Variants in CTNND2 observed in about 807,000 individuals in gnomAD.
CTNND2 encodes catenin delta 2, also known as catenin delta-2.
Under a neutral mutation model 144.4 loss-of-function variants are expected in CTNND2, and 22 were observed. The observed-to-expected ratio is 0.15, with a 90% CI of 0.11 to 0.22. CTNND2 has a LOEUF of 0.22. Ranked by LOEUF, CTNND2 falls within the 10% of genes least tolerant of loss-of-function variation. The probability of loss-of-function intolerance (pLI) is 1.00; values close to 1 mark genes in which losing one functional copy is unlikely to be tolerated. For synonymous variants in CTNND2, 751 were observed against 695.6 expected, an observed-to-expected ratio of 1.08 and a Z score of -1.25; for missense variants, 1,353 against 1,618.8, an observed-to-expected ratio of 0.84 and a Z score of 2.82.
At chr5:11,111,684 C>T (rs201746629) in intron 13 of CTNND2, among the ~76,000 whole-genome samples, 13 of 152,090 alleles carry the variant, frequency 8.5e-5, no homozygotes, top group East Asian at 3.9e-4. Context: ...CCTAGGTGTC[C>T]GATTTAGCTG....
At chr5:11,591,864 T>C (rs1201982365) in intron 2 of CTNND2, among the ~76,000 whole-genome samples, 11 of 152,164 alleles carry the variant, frequency 7.2e-5, no homozygotes, top group Admixed American at 7.2e-4. Context: ...TTTTGAATTA[T>C]GGCAACCTTT....
intron 1 of CTNND2, among the ~76,000 whole-genome samples, chr5:11,818,373 T>C (rs1422198482): frequency 6.6e-6 from 1 of 151,690 alleles, no homozygotes; most frequent in Non-Finnish European, 1.5e-5. Context: ...GTATATGCGT[T>C]TTTTCTTCTT....
intron 2 of CTNND2, among the ~76,000 whole-genome samples, chr5:11,585,232 C>T (rs562484860): frequency 6.6e-6 from 1 of 152,206 alleles, no homozygotes; most frequent in East Asian, 1.9e-4. Flanking sequence ...TGCTCCGATG[C>T]AGAGTAAGAA....
intron 3 of CTNND2, among the ~76,000 whole-genome samples, chr5:11,551,226 T>C (rs532561938): frequency 1.2e-4 from 19 of 152,238 alleles, no homozygotes; most frequent in Non-Finnish European, 1.9e-4. Context: ...ATTTCAACCA[T>C]ACTGATCCCA....
intron 15 of CTNND2, among the ~76,000 whole-genome samples, chr5:11,086,098 G>A (rs551939075): frequency 3.9e-5 from 6 of 152,244 alleles, no homozygotes; most frequent in East Asian, 1.9e-4. Flanking sequence ...GAGGAGAAAC[G>A]AAGGACCCAG....
intron 2 of CTNND2, among the ~76,000 whole-genome samples, chr5:11,717,487 G>C (rs1202888033): frequency 6.6e-6 from 1 of 150,994 alleles, no homozygotes; most frequent in Non-Finnish European, 1.5e-5. Context: ...TGAGGTGGGA[G>C]AATTGCTAGA....
At chr5:11,061,522 C>T (rs1746975710) in intron 16 of CTNND2, among the ~76,000 whole-genome samples, 1 of 152,116 alleles carries the variant, frequency 6.6e-6, no homozygotes, top group South Asian at 2.1e-4. Flanking sequence ...CTCTCCTGCA[C>T]CAGGGGTTTT....
In CTNND2 at chr5:11,869,543, A is replaced by G. The variant is rs78670175; in HGVS notation, c.37+34274T>C. ...AATAGCCAAATTCATAAAGACAGGA[A>G]GTAGACTGATGTTGGCTATGGGCTG... On this transcript the variant is annotated intron_variant, in intron 1 of 21. Transcript: ENST00000304623. Among the ~76,000 whole-genome samples, 119 of 152,348 alleles carry G rather than the reference A, an allele frequency of 7.8e-4. No individual in the cohort carries two copies. In the East Asian group the frequency reaches 8.5e-3, roughly 11 times the overall value.
chr5:11,479,362 G>A (rs1176233945), intron 3 of CTNND2, among the ~76,000 whole-genome samples: 1 of 152,126 alleles, frequency 6.6e-6, no homozygotes, highest in African/African-American at 2.4e-5. Context: ...CAATTCCATG[G>A]TATATATGTA....
At chr5:11,488,048 T>C (rs1282032891) in intron 3 of CTNND2, among the ~76,000 whole-genome samples, 2 of 152,224 alleles carry the variant, frequency 1.3e-5, no homozygotes, top group Non-Finnish European at 2.9e-5. Context: ...TCAGCCACTG[T>C]TTTGTTTGTG....
At chr5:11,802,754 T>C (rs1336512923) in intron 1 of CTNND2, among the ~76,000 whole-genome samples, 1 of 152,224 alleles carries the variant, frequency 6.6e-6, no homozygotes, top group East Asian at 1.9e-4. Context: ...TGATTATCTA[T>C]TTCTTCTTTT....
chr5:11,443,435 G>A (rs995434376), intron 3 of CTNND2, among the ~76,000 whole-genome samples: 21 of 149,236 alleles, frequency 1.4e-4, no homozygotes, highest in African/African-American at 4.2e-4. Context: ...TGTGTGGGGT[G>A]TGTGGTGTGT....
At chr5:11,034,668 C>T (rs2149556858) in intron 16 of CTNND2, among the ~76,000 whole-genome samples, 1 of 152,320 alleles carries the variant, frequency 6.6e-6, no homozygotes. Context: ...CAACTGTCTC[C>T]TAGCCTTCTC....
intron 8 of CTNND2, among the ~76,000 whole-genome samples, chr5:11,360,968 C>T (rs562579868): frequency 6.6e-6 from 1 of 152,268 alleles, no homozygotes; most frequent in African/African-American, 2.4e-5. Flanking sequence ...TTTACCAATG[C>T]AGTCAACGAA....
intron 15 of CTNND2, chr5:11,083,894 G>A: frequency 8.8e-7 from 1 of 1,138,264 alleles, no homozygotes; most frequent in Non-Finnish European, 1.1e-6. Context: ...TGGCAGGCAG[G>A]GAGCCCCCTC....
At chr5:11,736,643 T>G (rs534357391) in intron 1 of CTNND2, among the ~76,000 whole-genome samples, 62 of 152,268 alleles carry the variant, frequency 4.1e-4, no homozygotes, top group South Asian at 1.9e-3. Context: ...AACTTCTAAC[T>G]TCGCAGTAAT....
chr5:11,230,145 C>T (rs892474288), intron 10 of CTNND2, among the ~76,000 whole-genome samples: 41 of 140,302 alleles, frequency 2.9e-4, no homozygotes, highest in Admixed American at 2.6e-3. Flanking sequence ...CATATTCTCA[C>T]TCATAGGTGG....
chr5:11,022,821 C>T lies in CTNND2; in HGVS notation c.2947G>A (p.Asp983Asn), dbSNP rs1416289907. 1 of 1,614,230 alleles carries T rather than the reference C, an allele frequency of 6.2e-7. No individual in the cohort carries two copies. The highest frequency in any genetic ancestry group is 8.5e-7 in the Non-Finnish European group (1 of 1,180,030). ...KNMENAKALR[D>N]AGGIEKLVGI... Reference sequence around the variant, plus strand: ...ACCAACTTCTCGATGCCACCGGCATCCCGTAAGGCCTTGGCGTTCTCCATG... The same window carrying T: ...ACCAACTTCTCGATGCCACCGGCATTCCGTAAGGCCTTGGCGTTCTCCATG... The change falls in exon 17 of 22, where the codon GAT becomes AAT. Residue 983 changes from aspartate (D) to asparagine (N), a missense_variant. By Grantham distance (23) the Asp-to-Asn change is conservative (BLOSUM62 1). This residue lies in a region of CTNND2 where 459 missense variants were observed against 674.3 expected (regional missense o/e 0.68). Transcript: ENST00000304623.
chr5:11,208,237 C>T (rs1041447557), intron 10 of CTNND2, among the ~76,000 whole-genome samples: 2 of 152,082 alleles, frequency 1.3e-5, no homozygotes, highest in Non-Finnish European at 2.9e-5. Flanking sequence ...AAATGGACTA[C>T]CACATTCCTT....
Sources: allele counts gnomAD v4.1 joint callset (sites outside exome capture counted in the v4.1 genomes callset), GRCh38; gene constraint gnomAD v4.1.1; regional missense constraint gnomAD v4.1.1; transcripts MANE v1.5; gene names NCBI Gene and HGNC (gene_info 2026-07-23, HGNC 2026-07-21).